Variants in OR9Q1 observed in about 807,000 individuals in gnomAD.
OR9Q1 encodes the protein olfactory receptor family 9 subfamily Q member 1, also known as olfactory receptor 9Q1.
For synonymous variants in OR9Q1, 153 were observed against 148.6 expected (o/e 1.03, Z -0.22); for missense variants, 374 against 378.8 (o/e 0.99, Z 0.11).
At chr11:58,168,911 C>A (rs1854530095) in intron 2 of OR9Q1, among the ~76,000 whole-genome samples, 1 of 152,070 alleles carries the variant, frequency 6.6e-6, no homozygotes, top group African/African-American at 2.4e-5. Flanking sequence ...TTTGCAATTT[C>A]AGGATGAGCC....
chr11:58,110,801 A>G (rs182651013), intron 2 of OR9Q1, among the ~76,000 whole-genome samples: 3 of 152,308 alleles, frequency 2.0e-5, no homozygotes, highest in Admixed American at 1.3e-4. Context: ...CAGGCTGATT[A>G]TTCCCTTTCT....
At chr11:58,086,891 C>A (rs1445458068) in intron 2 of OR9Q1, among the ~76,000 whole-genome samples, 1 of 151,518 alleles carries the variant, frequency 6.6e-6, no homozygotes, top group African/African-American at 2.4e-5. Flanking sequence ...TTTAAGAGTA[C>A]AAAATTTCAG....
At chr11:58,026,611 G>A (rs1852975579) in intron 1 of OR9Q1, 1 of 150,476 alleles carries the variant, frequency 6.6e-6, no homozygotes. Context: ...GAACCTAGGA[G>A]GCGGAGGTTG....
At chr11:58,172,676 T>A (rs961884175) in intron 2 of OR9Q1, among the ~76,000 whole-genome samples, 91 of 152,112 alleles carry the variant, frequency 6.0e-4, no homozygotes, top group African/African-American at 1.4e-3. Context: ...AGATTTTTTT[T>A]AAAAAAATGT....
intron 2 of OR9Q1, among the ~76,000 whole-genome samples, chr11:58,152,295 A>G (rs1854360804): frequency 6.6e-6 from 1 of 152,194 alleles, no homozygotes; most frequent in Admixed American, 6.5e-5. Context: ...TTCACAGATA[A>G]TATTAGTATA....
At position 58,090,225 on chromosome 11, in the gene OR9Q1, G is replaced by A. The variant is rs371760144; in HGVS notation, c.-15+34278G>A. On this transcript the variant is annotated intron_variant, in intron 2 of 2. Coordinates refer to ENST00000335397, the MANE Select transcript of OR9Q1 (RefSeq NM_001005212.4). ...AGAGAGGGCATCCTTGTCTTGTGCC[G>A]GTTTTCAAAGGGAATGCTTCCGGCT... is the stretch of plus-strand genomic sequence containing the variant. Among the ~76,000 whole-genome samples, 57 of 152,216 alleles carry A rather than the reference G, an allele frequency of 3.7e-4. No individual in the cohort carries two copies. The South Asian group carries it at 9.5e-3, about 25-fold the overall frequency.
intron 2 of OR9Q1, among the ~76,000 whole-genome samples, chr11:58,103,184 C>G (rs1431878551): frequency 6.6e-6 from 1 of 152,070 alleles, no homozygotes; most frequent in African/African-American, 2.4e-5. Flanking sequence ...GGGAAGAAAA[C>G]ACGTCCTGCT....
chr11:58,121,389 C>CT (rs1425120494), intron 2 of OR9Q1, among the ~76,000 whole-genome samples: 6 of 152,062 alleles, frequency 3.9e-5, no homozygotes, highest in African/African-American at 7.2e-5. Flanking sequence ...GTTCCCATCT[C>CT]TTTTTTTTCC....
intron 2 of OR9Q1, among the ~76,000 whole-genome samples, chr11:58,107,969 A>G (rs1162443579): frequency 6.6e-6 from 1 of 152,180 alleles, no homozygotes; most frequent in African/African-American, 2.4e-5. Flanking sequence ...TTGACTTTGC[A>G]GACCCTGGGA....
intron 2 of OR9Q1, among the ~76,000 whole-genome samples, chr11:58,179,018 GA>G (rs1442675408): frequency 6.8e-6 from 1 of 147,614 alleles, no homozygotes; most frequent in Non-Finnish European, 1.5e-5. Context: ...AAGAAAGAGA[GA>G]GAGAGAGAGA....
At position 58,060,936 on chromosome 11, in the gene OR9Q1, C is replaced by G. The variant is rs373083977; in HGVS notation, c.-15+4989C>G. Among the ~76,000 whole-genome samples the G allele has an allele frequency of 2.0e-5, 3 of 152,184 alleles. No individual in the cohort carries two copies. The East Asian group carries it at 5.8e-4, about 29-fold the overall frequency. ...GTTCTTAATTCTTGGTTCATGCCAG[C>G]CCTGGGATCATCGCCTTTGTCACAT... is the stretch of plus-strand genomic sequence containing the variant. On this transcript the variant is annotated intron_variant, in intron 2 of 2. Coordinates refer to ENST00000335397, the MANE Select transcript of OR9Q1 (RefSeq NM_001005212.4).
chr11:58,172,564 A>G (rs1257300838), intron 2 of OR9Q1, among the ~76,000 whole-genome samples: 2 of 152,182 alleles, frequency 1.3e-5, no homozygotes, highest in Non-Finnish European at 2.9e-5. Context: ...GAGGAAGTCA[A>G]AATACCAAGA....
chr11:58,171,784 C>A (rs1233221349), intron 2 of OR9Q1: 1 of 152,188 alleles, frequency 6.6e-6, no homozygotes, highest in Non-Finnish European at 1.5e-5. Flanking sequence ...ACCATCTGGG[C>A]TCTCATTATC....
At position 58,097,975 on chromosome 11, in the gene OR9Q1, T is replaced by C. The variant is rs1029296938; in HGVS notation, c.-15+42028T>C. On this transcript the variant is annotated intron_variant, in intron 2 of 2. Transcript: ENST00000335397. ...CATGGGAGAGAGATGGATTACCAAG[T>C]TGCATGAAGAAACTTTTTGGAGTGA... Among the ~76,000 whole-genome samples the C allele has an allele frequency of 2.6e-5, 4 of 152,216 alleles. 1 individual carries two copies. Among genetic ancestry groups the C allele is most frequent in the Admixed American group, 2.6e-4 (4 of 15,274 alleles).
chr11:58,084,649 A>G (rs1853618270), intron 2 of OR9Q1, among the ~76,000 whole-genome samples: 1 of 151,962 alleles, frequency 6.6e-6, no homozygotes, highest in South Asian at 2.1e-4. Context: ...ACACAAATCA[A>G]TAAATGTGAT....
intron 2 of OR9Q1, among the ~76,000 whole-genome samples, chr11:58,173,030 T>C (rs1186191446): frequency 6.6e-6 from 1 of 152,186 alleles, no homozygotes; most frequent in Non-Finnish European, 1.5e-5. Flanking sequence ...AAAAAATTAC[T>C]GGTTGGAAGG....
intron 2 of OR9Q1, among the ~76,000 whole-genome samples, chr11:58,131,868 T>G (rs969147177): frequency 6.6e-6 from 1 of 152,176 alleles, no homozygotes; most frequent in Non-Finnish European, 1.5e-5. Context: ...TTTCTTCTTA[T>G]TAACTCACCC....
chr11:58,167,990 G>C (rs1354608752), intron 2 of OR9Q1, among the ~76,000 whole-genome samples: 1 of 152,150 alleles, frequency 6.6e-6, no homozygotes, highest in African/African-American at 2.4e-5. Flanking sequence ...GCATTCAAAA[G>C]GGAGGCTGTT....
chr11:58,109,331 C>T, intron 2 of OR9Q1: 1 of 460,696 alleles, frequency 2.2e-6, no homozygotes, highest in Non-Finnish European at 4.4e-6. Context: ...AGGTAACACT[C>T]TGTGCCTGCA....
Sources: allele counts gnomAD v4.1 joint callset (sites outside exome capture counted in the v4.1 genomes callset), GRCh38; gene constraint gnomAD v4.1.1; transcripts MANE v1.5; gene names NCBI Gene and HGNC (gene_info 2026-07-23, HGNC 2026-07-21).